CACNG5: variants seen among roughly 807,000 people sequenced by gnomAD.
CACNG5 encodes calcium voltage-gated channel auxiliary subunit gamma 5.
In CACNG5, 18 loss-of-function variants were observed where a neutral mutation model predicts 24.8. The observed-to-expected ratio is 0.73, with a 90% CI of 0.50 to 1.08. The LOEUF (loss-of-function observed/expected upper bound fraction) is 1.08, where lower values mean the gene tolerates loss of function less well. Among genes scored for constraint, CACNG5 ranks in the 50% least tolerant of loss-of-function variants. CACNG5 has a pLI of 0.00. For synonymous variants in CACNG5, 157 were observed against 149.1 expected (o/e 1.05, Z -0.39); for missense variants, 349 against 367.9 (o/e 0.95, Z 0.42).
Position 66,870,980 on chromosome 17 carries a change from C to CAA in CACNG5, c.-103-6239_-103-6238dup, listed in dbSNP as rs398041804. On this transcript the variant is annotated intron_variant, in intron 1 of 5. Coordinates refer to ENST00000533854, the MANE Select transcript of CACNG5 (RefSeq NM_145811.3). ...TGGATGACAGGGTGAAACTCCATCTCAAAAAAAAAAAAGTCACATAGCATC... is the reference window on the plus strand; with the variant it reads ...TGGATGACAGGGTGAAACTCCATCTCAAAAAAAAAAAAAAGTCACATAGCATC... Among the ~76,000 whole-genome samples the CAA allele has an allele frequency of 1.5e-4, 21 of 141,986 alleles. No homozygotes were observed. The East Asian group carries it at 2.4e-3, about 16-fold the overall frequency. 93.1% of individuals were successfully genotyped at this position (141,986 alleles called of 152,430 possible). A position where few individuals can be genotyped will look rare whatever the true frequency, so the allele number is the denominator to read the frequency against.
Position 66,877,234 on chromosome 17 carries a change from G to A in CACNG5, c.-99G>A, listed in dbSNP as rs1395859387. The A allele has an allele frequency of 1.0e-5, 10 of 980,714 alleles. No individual in the cohort carries two copies. The highest frequency in any genetic ancestry group is 4.9e-5 in the East Asian group (2 of 40,622). The allele number at this position is 980,714 out of a possible 1,614,324, so 60.8% of individuals were successfully genotyped here. On this transcript the variant is annotated 5_prime_UTR_variant, in exon 2 of 6. In the 5' UTR this introduces an upstream ATG that the reference lacks. Transcript: ENST00000533854. ...TCCTCATCTTCGTCTTCTCAGAGCCGTGGGTACTGCCACCTGCTCACCCAC... is the reference window on the plus strand; with the variant it reads ...TCCTCATCTTCGTCTTCTCAGAGCCATGGGTACTGCCACCTGCTCACCCAC...
intron 1 of CACNG5, among the ~76,000 whole-genome samples, chr17:66,855,236 G>A (rs185246980): frequency 1.3e-5 from 2 of 152,174 alleles, no homozygotes; most frequent in Admixed American, 6.5e-5. Context: ...CAATGTTCCC[G>A]ATTCTTTTCT....
In CACNG5 at chr17:66,893,304, T is replaced by A. The variant is rs140059533; in HGVS notation, c.*8064T>A. ...TAAATGGGGGAAGGAAAGGTCTAAA[T>A]GCAAACAACGGTGATGTGTCGTTTC... On this transcript the variant is annotated 3_prime_UTR_variant, in exon 6 of 6. Coordinates refer to ENST00000533854, the MANE Select transcript of CACNG5 (RefSeq NM_145811.3). Among the ~76,000 whole-genome samples the A allele has an allele frequency of 9.9e-4, 150 of 152,278 alleles. No individual in the cohort carries two copies. Among genetic ancestry groups the A allele is most frequent in the African/African-American group, 3.4e-3 (140 of 41,560 alleles).
chr17:66,872,847 A>G (rs1240152477), intron 1 of CACNG5, among the ~76,000 whole-genome samples: 1 of 152,160 alleles, frequency 6.6e-6, no homozygotes, highest in East Asian at 1.9e-4. Flanking sequence ...ATCAAACGAG[A>G]AGCCTTTATG....
In CACNG5 at chr17:66,887,294, C is replaced by T. The variant is rs1977275700; in HGVS notation, c.*2054C>T. On this transcript the variant is annotated 3_prime_UTR_variant, in exon 6 of 6. Transcript: ENST00000533854. ...GGCTTGGCCTAAATGGTTTCCAAGC[C>T]CACTCCCCTCCCACCCACCCACAAC... 6.6e-6 allele frequency among the ~76,000 whole-genome samples: 1 copy of T among 151,312 alleles called. No homozygotes were observed. The highest frequency in any genetic ancestry group is 6.6e-5 in the Admixed American group (1 of 15,226).
chr17:66,879,619 G>T (rs767502657), intron 3 of CACNG5, among the ~76,000 whole-genome samples: 6 of 152,060 alleles, frequency 3.9e-5, no homozygotes, highest in Non-Finnish European at 7.4e-5. Flanking sequence ...TATTACAAAG[G>T]ACACAAATCA....
At position 66,878,969 on chromosome 17, in the gene CACNG5, C is replaced by T. The variant is rs1468681024; in HGVS notation, c.197-3C>T. The T allele has an allele frequency of 1.2e-6, 2 of 1,610,604 alleles. No homozygotes were observed. Among genetic ancestry groups the T allele is most frequent in the East Asian group, 2.2e-5 (1 of 44,838 alleles). ...CCTGGAAATGTGATTCTTGTCTCCA[C>T]AGGTGAGGAGCGGGGGCGTTGCTTC... On this transcript the variant is annotated splice_polypyrimidine_tract_variant and splice_region_variant and intron_variant, in intron 2 of 5. Transcript: ENST00000533854.
At chr17:66,883,738 A>G (rs1257101795) in intron 4 of CACNG5, among the ~76,000 whole-genome samples, 2 of 152,216 alleles carry the variant, frequency 1.3e-5, no homozygotes, top group African/African-American at 4.8e-5. Context: ...CTTCACAATG[A>G]TAGGTGCCAC....
At chr17:66,836,202 AT>A (rs2144491915) in intron 1 of CACNG5, among the ~76,000 whole-genome samples, 2 of 152,200 alleles carry the variant, frequency 1.3e-5, no homozygotes, top group East Asian at 3.9e-4. Context: ...TTTGCACTGG[AT>A]TATCAGTGAC....
At chr17:66,871,060 C>T (rs749778233) in intron 1 of CACNG5, among the ~76,000 whole-genome samples, 2 of 151,902 alleles carry the variant, frequency 1.3e-5, no homozygotes, top group Non-Finnish European at 2.9e-5. Flanking sequence ...GACTCAAGGA[C>T]AGGAGACAGG....
At chr17:66,865,408 G>A (rs1009991284) in intron 1 of CACNG5, among the ~76,000 whole-genome samples, 1 of 151,956 alleles carries the variant, frequency 6.6e-6, no homozygotes, top group Non-Finnish European at 1.5e-5. Context: ...GAATTTTCTG[G>A]AGTATCATCA....
At chr17:66,845,195 G>T (rs985068870) in intron 1 of CACNG5, among the ~76,000 whole-genome samples, 1 of 152,158 alleles carries the variant, frequency 6.6e-6, no homozygotes, top group African/African-American at 2.4e-5. Context: ...CACGGGAACA[G>T]AAAACCAAAC....
intron 5 of CACNG5, 146 bp from the exon 6 acceptor site, chr17:66,884,837 C>T: frequency 6.2e-7 from 1 of 1,613,284 alleles, no homozygotes; most frequent in Non-Finnish European, 8.5e-7. Flanking sequence ...TCTGGGTCTC[C>T]TCCGGCCAGG....
intron 4 of CACNG5, among the ~76,000 whole-genome samples, chr17:66,881,295 CTT>C (rs1015000101): frequency 2.0e-5 from 3 of 152,192 alleles, no homozygotes; most frequent in African/African-American, 4.8e-5. Flanking sequence ...CACCTAATGA[CTT>C]TTTAATTCCC....
At chr17:66,878,771 G>T (rs182852094) in intron 2 of CACNG5, among the ~76,000 whole-genome samples, 2 of 152,186 alleles carry the variant, frequency 1.3e-5, no homozygotes, top group African/African-American at 2.4e-5. Flanking sequence ...CTCCAGGAAG[G>T]TTGTCATGTC....
chr17:66,880,042 A>G (rs960436404), intron 3 of CACNG5, among the ~76,000 whole-genome samples: 2 of 152,176 alleles, frequency 1.3e-5, no homozygotes, highest in African/African-American at 4.8e-5. Context: ...CCAAGAATTT[A>G]GAGGTGATCT....
chr17:66,869,878 T>C (rs912221313), intron 1 of CACNG5, among the ~76,000 whole-genome samples: 1 of 151,878 alleles, frequency 6.6e-6, no homozygotes, highest in African/African-American at 2.4e-5. Flanking sequence ...GGTCAAGAGA[T>C]TGAGACCATC....
At chr17:66,856,545 CTTTT>C (rs60304454) in intron 1 of CACNG5, among the ~76,000 whole-genome samples, 1 of 142,932 alleles carries the variant, frequency 7.0e-6, no homozygotes, top group Non-Finnish European at 1.5e-5. Flanking sequence ...GCCCCCCCGC[CTTTT>C]TTTTTTTTTT....
At chr17:66,867,536 A>G (rs1976947664) in intron 1 of CACNG5, among the ~76,000 whole-genome samples, 1 of 152,116 alleles carries the variant, frequency 6.6e-6, no homozygotes, top group South Asian at 2.1e-4. Context: ...TCATCATAAA[A>G]TCTTTGCCCA....
Sources: allele counts gnomAD v4.1 joint callset (sites outside exome capture counted in the v4.1 genomes callset), GRCh38; gene constraint gnomAD v4.1.1; transcripts MANE v1.5; gene names NCBI Gene and HGNC (gene_info 2026-07-23, HGNC 2026-07-21).